Variants in ZC3H3 observed in about 807,000 individuals in gnomAD.
ZC3H3 encodes the protein zinc finger CCCH domain-containing protein 3.
In ZC3H3, 36 loss-of-function variants were observed where a neutral mutation model predicts 77.3. The observed-to-expected ratio is 0.47, with a 90% CI of 0.36 to 0.61. The LOEUF (loss-of-function observed/expected upper bound fraction) is 0.61, where lower values mean the gene tolerates loss of function less well. Among genes scored for constraint, ZC3H3 ranks in the 20% least tolerant of loss-of-function variants. The probability of loss-of-function intolerance (pLI) is 0.00; values close to 1 mark genes in which losing one functional copy is unlikely to be tolerated. For synonymous variants in ZC3H3, 626 were observed against 555.2 expected, an observed-to-expected ratio of 1.13 and a Z score of -1.79; for missense variants, 1,331 against 1,312.2, an observed-to-expected ratio of 1.01 and a Z score of -0.22.
At chr8:143,508,251 G>A (rs1821768611) in intron 3 of ZC3H3, among the ~76,000 whole-genome samples, 1 of 152,220 alleles carries the variant, frequency 6.6e-6, no homozygotes, top group African/African-American at 2.4e-5. Flanking sequence ...ATCCGCAACA[G>A]GGGGACTCGA....
At chr8:143,488,590 A>T (rs983872338) in intron 4 of ZC3H3, among the ~76,000 whole-genome samples, 1 of 152,270 alleles carries the variant, frequency 6.6e-6, no homozygotes, top group Non-Finnish European at 1.5e-5. Context: ...AAGCCAATCA[A>T]GGTAGGCAGA....
chr8:143,517,688 T>G (rs779084296), intron 3 of ZC3H3, among the ~76,000 whole-genome samples: 17 of 152,336 alleles, frequency 1.1e-4, no homozygotes, highest in African/African-American at 3.6e-4. Context: ...GCGGCTCACC[T>G]GCTCCCAGTC....
rs1243693436 is a variant in ZC3H3, at chr8:143,533,236, G to A, written c.1561+3021C>T. 1.3e-5 allele frequency among the ~76,000 whole-genome samples: 2 copies of A among 152,084 alleles called. No individual in the cohort carries two copies. Among genetic ancestry groups the A allele is most frequent in the Non-Finnish European group, 1.5e-5 (1 of 68,016 alleles). ...CCCCTCCAAGCCACACTCCCAGATG[G>A]TGAACTGGCCCCACAGCCTCCTTGT... On this transcript the variant is annotated intron_variant, in intron 3 of 11. Coordinates refer to ENST00000262577, the MANE Select transcript of ZC3H3 (RefSeq NM_015117.3). This position sits in a 1 kb window ranked among gnomAD's most constrained non-coding sequence, Gnocchi z 4.0.
chr8:143,515,943 C>A (rs952055443), intron 3 of ZC3H3, among the ~76,000 whole-genome samples: 3 of 152,240 alleles, frequency 2.0e-5, no homozygotes, highest in Admixed American at 6.5e-5. Flanking sequence ...GGGTTACCCA[C>A]ACTCAGCACC....
In ZC3H3 at chr8:143,538,212, A is replaced by G; in HGVS notation, c.1155T>C (p.Ser385=). ...AACGGAAGGAGGAAGAGGAGGAGGC[A>G]GAGGGGCTGGAGGCCTTCCACTTGT... is the stretch of plus-strand genomic sequence containing the variant. ...SKYKWKASSP[S]ASSSSSFRWQ... is the part of the protein sequence containing the mutation. Residue 385 remains serine, a synonymous_variant, in exon 2 of 12, where the codon TCT becomes TCC. Transcript: ENST00000262577. The G allele has an allele frequency of 1.2e-6, 2 of 1,613,018 alleles. No homozygotes were observed. Among genetic ancestry groups the G allele is most frequent in the Non-Finnish European group, 1.7e-6 (2 of 1,180,024 alleles).
At chr8:143,485,484 T>C (rs1202521694) in intron 4 of ZC3H3, among the ~76,000 whole-genome samples, 1 of 152,158 alleles carries the variant, frequency 6.6e-6, no homozygotes, top group Non-Finnish European at 1.5e-5. Flanking sequence ...TTTCAATACA[T>C]GTGTCTCCAT....
chr8:143,475,458 T>C lies in ZC3H3; in HGVS notation c.1843A>G (p.Lys615Glu), dbSNP rs893540542. ...GGCTGGCCGGAGGTCTTGGAGAGCTTGTTGGCAGATACTTTGTAGAGGACC... is the reference window on the plus strand; with the variant it reads ...GGCTGGCCGGAGGTCTTGGAGAGCTCGTTGGCAGATACTTTGTAGAGGACC... ...GGVLYKVSAN[K>E]LSKTSGQPSD... Residue 615 changes from lysine to glutamate, a missense_variant, in exon 5 of 12, where the codon AAG (lysine) becomes GAG (glutamate). Lys to Glu is a moderately conservative substitution (Grantham distance 56). Around this residue, in one of 3 missense-constraint regions of ZC3H3, gnomAD observed 978 missense variants for 915.5 expected, o/e 1.07. Transcript: ENST00000262577. The C allele has an allele frequency of 3.7e-6, 6 of 1,613,108 alleles. No homozygotes were observed. Among genetic ancestry groups the C allele is most frequent in the Non-Finnish European group, 5.1e-6 (6 of 1,179,936 alleles).
At chr8:143,529,014 G>C (rs1385101654) in intron 3 of ZC3H3, among the ~76,000 whole-genome samples, 1 of 152,222 alleles carries the variant, frequency 6.6e-6, no homozygotes, top group Non-Finnish European at 1.5e-5. Flanking sequence ...CGGGGTGGCT[G>C]GCACGCGATC....
chr8:143,475,475 T>C lies in ZC3H3; in HGVS notation c.1826A>G (p.Tyr609Cys). ...GGAGAGCTTGTTGGCAGATACTTTG[T>C]AGAGGACCCCTCCGATGCAGCGGTA... The part of the protein sequence containing the change: ...KGYRCIGGVL[Y>C]KVSANKLSKT... The change falls in exon 5 of 12, where the codon TAC becomes TGC. Residue 609 changes from tyrosine to cysteine, a missense_variant. Physicochemically the swap from Tyr to Cys is radical, Grantham distance 194. Coordinates refer to ENST00000262577, the MANE Select transcript of ZC3H3 (RefSeq NM_015117.3). The C allele has an allele frequency of 6.2e-7, 1 of 1,613,170 alleles. No individual in the cohort carries two copies. Among genetic ancestry groups the C allele is most frequent in the Non-Finnish European group, 8.5e-7 (1 of 1,179,964 alleles).
intron 4 of ZC3H3, among the ~76,000 whole-genome samples, chr8:143,486,314 G>A (rs1162137692): frequency 6.6e-6 from 1 of 152,224 alleles, no homozygotes; most frequent in African/African-American, 2.4e-5. Context: ...GGGCGGCTAC[G>A]ACAACAGAAA....
At chr8:143,526,215 C>T (rs1376359265) in intron 3 of ZC3H3, among the ~76,000 whole-genome samples, 3 of 152,236 alleles carry the variant, frequency 2.0e-5, no homozygotes, top group Non-Finnish European at 4.4e-5. Flanking sequence ...GAGCCCAGCA[C>T]CTCCCACCAA....
At chr8:143,516,371 C>T (rs902002855) in intron 3 of ZC3H3, among the ~76,000 whole-genome samples, 10 of 152,236 alleles carry the variant, frequency 6.6e-5, no homozygotes, top group African/African-American at 2.2e-4. Flanking sequence ...CTCCTGGGCA[C>T]CCTCGAACCC....
intron 9 of ZC3H3, among the ~76,000 whole-genome samples, chr8:143,446,710 G>A (rs770087694): frequency 1.6e-4 from 25 of 152,352 alleles, no homozygotes; most frequent in East Asian, 7.7e-4. Flanking sequence ...ACAGAGGCCC[G>A]TCCAAGCTGC....
At chr8:143,497,971 G>C (rs1821400671) in intron 4 of ZC3H3, among the ~76,000 whole-genome samples, 1 of 152,234 alleles carries the variant, frequency 6.6e-6, no homozygotes, top group Non-Finnish European at 1.5e-5. Flanking sequence ...GCCCCAAAAA[G>C]CCTGTCCCTA....
chr8:143,532,925 G>A (rs373400278), intron 3 of ZC3H3, among the ~76,000 whole-genome samples: 14 of 152,304 alleles, frequency 9.2e-5, no homozygotes, highest in African/African-American at 3.4e-4. Context: ...AGGCCAGGAC[G>A]CAGGCTCGGC....
intron 3 of ZC3H3, among the ~76,000 whole-genome samples, chr8:143,520,461 T>C (rs1286723510): frequency 6.6e-6 from 1 of 152,202 alleles, no homozygotes; most frequent in East Asian, 1.9e-4. Context: ...GCCCTGGTGC[T>C]GCTTCGTCCT....
At chr8:143,529,703 C>T (rs191729741) in intron 3 of ZC3H3, among the ~76,000 whole-genome samples, 1 of 152,312 alleles carries the variant, frequency 6.6e-6, no homozygotes, top group African/African-American at 2.4e-5. Context: ...CAGAGAGCGC[C>T]GTGTGCCTGA....
chr8:143,538,259 G>A lies in ZC3H3; in HGVS notation c.1108C>T (p.Pro370Ser), dbSNP rs752249331. ...TTGTACTTGCTGGGGGCAGACCCTGGCTTGGAGGACGTGGCTGGCTTCCTG... is the reference window on the plus strand; with the variant it reads ...TTGTACTTGCTGGGGGCAGACCCTGACTTGGAGGACGTGGCTGGCTTCCTG... ...KPRKPATSSK[P>S]GSAPSKYKWK... Residue 370 changes from proline (P) to serine (S), a missense_variant, in exon 2 of 12, where the codon CCA (proline) becomes TCA (serine). Physicochemically the swap from Pro to Ser is moderately conservative, Grantham distance 74. Around this residue, in one of 3 missense-constraint regions of ZC3H3, gnomAD observed 978 missense variants for 915.5 expected, o/e 1.07. Transcript: ENST00000262577. The A allele has an allele frequency of 1.2e-6, 2 of 1,613,034 alleles. No homozygotes were observed. Among genetic ancestry groups the A allele is most frequent in the South Asian group, 2.2e-5 (2 of 91,084 alleles).
Position 143,480,920 on chromosome 8 carries a change from G to A in ZC3H3, c.1716-5335C>T, listed in dbSNP as rs983414059. Reference sequence around the variant, plus strand: ...GAGGCCTCCTCCACCCTAGAGACCCGGGAAGCAGCCCAGCACCCAGGATGC... The same window carrying A: ...GAGGCCTCCTCCACCCTAGAGACCCAGGAAGCAGCCCAGCACCCAGGATGC... On this transcript the variant is annotated intron_variant, in intron 4 of 11. Transcript: ENST00000262577. Among the ~76,000 whole-genome samples the A allele has an allele frequency of 8.5e-5, 13 of 152,302 alleles. No homozygotes were observed. In the East Asian group the frequency reaches 1.2e-3, roughly 14 times the overall value.
Sources: allele counts gnomAD v4.1 joint callset (sites outside exome capture counted in the v4.1 genomes callset), GRCh38; gene constraint gnomAD v4.1.1; regional missense constraint gnomAD v4.1.1; non-coding constraint Gnocchi (gnomAD v3.1); transcripts MANE v1.5; gene names NCBI Gene and HGNC (gene_info 2026-07-23, HGNC 2026-07-21).